Variants in CSNK2A2 observed in about 807,000 individuals in gnomAD.
The protein encoded by CSNK2A2 is casein kinase II subunit alpha'.
CSNK2A2 carries 8 observed loss-of-function variants against 54.0 expected under a neutral mutation model. The observed-to-expected ratio is 0.15, with a 90% CI of 0.09 to 0.27. The LOEUF (loss-of-function observed/expected upper bound fraction) is 0.27. Among genes scored for constraint, CSNK2A2 ranks in the 10% least tolerant of loss-of-function variants. The probability of loss-of-function intolerance (pLI) is 1.00; values close to 1 mark genes in which losing one functional copy is unlikely to be tolerated. For missense variants in CSNK2A2, 242 were observed against 439.4 expected (o/e 0.55, Z 4.02); for synonymous variants, 141 against 153.9 (o/e 0.92, Z 0.62).
At chr16:58,165,467 C>G (rs1350224961) in intron 10 of CSNK2A2, 93 bp downstream of exon 10, 1 of 1,322,714 alleles carries the variant, frequency 7.6e-7, no homozygotes, top group African/African-American at 1.5e-5. Flanking sequence ...ATCCAAATAC[C>G]CTAGAATTCT....
chr16:58,195,457 TGCCCTAGCACACAG>T (rs1962417831), intron 2 of CSNK2A2, among the ~76,000 whole-genome samples: 1 of 152,170 alleles, frequency 6.6e-6, no homozygotes, highest in African/African-American at 2.4e-5. Flanking sequence ...CTATACCAGC[TGCCCTAGCACACAG>T]AAACAGCTTT....
At position 58,174,442 on chromosome 16, in the gene CSNK2A2, A is replaced by G. The variant is rs1429791338; in HGVS notation, c.429+9T>C. 6.3e-7 allele frequency: 1 copy of G among 1,597,394 alleles called. No homozygotes were observed. The highest frequency in any genetic ancestry group is 8.5e-7 in the Non-Finnish European group (1 of 1,169,770). On this transcript the variant is annotated intron_variant, in intron 5 of 11. Transcript: ENST00000262506. The stretch of plus-strand genomic sequence containing the variant: ...TGAAAAAAATTAATGGTTTATGAAC[A>G]CCACTTACTTTAAGTAGTTCATACA...
rs1961746361 is a variant in CSNK2A2, at chr16:58,171,908, C to A, written c.429+2543G>T. Among the ~76,000 whole-genome samples the A allele has an allele frequency of 2.0e-5, 3 of 146,508 alleles. No homozygotes were observed. The South Asian group carries it at 6.6e-4, about 32-fold the overall frequency. On this transcript the variant is annotated intron_variant, in intron 5 of 11. Transcript: ENST00000262506. ...GCTCAAGTGGATCCTCCCACCTCCACCTCCTGAGTAGCTGGAACCATAGGC... is the reference window on the plus strand; with the variant it reads ...GCTCAAGTGGATCCTCCCACCTCCAACTCCTGAGTAGCTGGAACCATAGGC...
At chr16:58,180,658 T>C (rs1427648355) in intron 4 of CSNK2A2, among the ~76,000 whole-genome samples, 1 of 152,124 alleles carries the variant, frequency 6.6e-6, no homozygotes, top group Non-Finnish European at 1.5e-5. Flanking sequence ...ATAACCTTGA[T>C]AGCAAACTTA....
chr16:58,172,776 C>T lies in CSNK2A2; in HGVS notation c.429+1675G>A, dbSNP rs376126711. 3.3e-3 allele frequency among the ~76,000 whole-genome samples: 503 copies of T among 152,274 alleles called. 3 individuals carry two copies. Among genetic ancestry groups the T allele is most frequent in the African/African-American group, 0.011 (476 of 41,564 alleles). ...GTTTCTGACCATTAAGCATGAATGA[C>T]GTTTTTCAAGTTTCATCTGGGATTC... is the stretch of plus-strand genomic sequence containing the variant. On this transcript the variant is annotated intron_variant, in intron 5 of 11. Coordinates refer to ENST00000262506, the MANE Select transcript of CSNK2A2 (RefSeq NM_001896.4).
At chr16:58,176,227 C>A (rs1248197812) in intron 4 of CSNK2A2, among the ~76,000 whole-genome samples, 1 of 152,132 alleles carries the variant, frequency 6.6e-6, no homozygotes, top group Non-Finnish European at 1.5e-5. Context: ...TATTTTATTT[C>A]CAGAAAACTA....
At chr16:58,160,220 CTT>C (rs1178532120) in intron 11 of CSNK2A2, 1 of 151,774 alleles carries the variant, frequency 6.6e-6, no homozygotes, top group Non-Finnish European at 1.5e-5. Flanking sequence ...CACTGACAAA[CTT>C]TGGCTTCTTG....
chr16:58,188,301 G>A (rs1962242533), intron 2 of CSNK2A2, among the ~76,000 whole-genome samples: 1 of 152,232 alleles, frequency 6.6e-6, no homozygotes, highest in African/African-American at 2.4e-5. Context: ...AGATGTGGCT[G>A]CTGTGCATGT....
intron 4 of CSNK2A2, among the ~76,000 whole-genome samples, chr16:58,179,833 A>T (rs1961981302): frequency 6.6e-6 from 1 of 152,092 alleles, no homozygotes. Flanking sequence ...TAATCCCAGC[A>T]CTTTGGGAGG....
At chr16:58,173,761 C>G (rs1961802169) in intron 5 of CSNK2A2, among the ~76,000 whole-genome samples, 1 of 152,194 alleles carries the variant, frequency 6.6e-6, no homozygotes. Flanking sequence ...AATATGCCTA[C>G]ATATTCAATG....
At chr16:58,167,364 T>C (rs948783226) in intron 7 of CSNK2A2, 56 bp from the exon 8 acceptor site, 25 of 1,393,148 alleles carry the variant, frequency 1.8e-5, no homozygotes, top group Non-Finnish European at 2.3e-5. Context: ...ATTTTTCTGA[T>C]ATAAATTTCT....
At chr16:58,193,317 C>T (rs186398412) in intron 2 of CSNK2A2, among the ~76,000 whole-genome samples, 2 of 152,304 alleles carry the variant, frequency 1.3e-5, no homozygotes, top group East Asian at 3.9e-4. Flanking sequence ...ATCCTTTTAA[C>T]ACTACCTACT....
chr16:58,186,645 A>G, intron 3 of CSNK2A2, 110 bp downstream of exon 3: 1 of 753,900 alleles, frequency 1.3e-6, no homozygotes, highest in Non-Finnish European at 2.2e-6. Flanking sequence ...GTAGTTAAAG[A>G]CAAACACCAC....
intron 4 of CSNK2A2, among the ~76,000 whole-genome samples, chr16:58,180,862 C>CA (rs1276250427): frequency 6.6e-6 from 1 of 151,830 alleles, no homozygotes; most frequent in African/African-American, 2.4e-5. Flanking sequence ...ATTAAAAAGA[C>CA]AAAAAAACAA....
intron 11 of CSNK2A2, chr16:58,161,522 C>CACAG (rs1961360495): frequency 8.5e-6 from 1 of 118,224 alleles, no homozygotes; most frequent in South Asian, 2.4e-4. Flanking sequence ...ATATTAGACA[C>CACAG]ACAGACACAC....
intron 10 of CSNK2A2, among the ~76,000 whole-genome samples, chr16:58,164,481 A>G (rs1961503593): frequency 6.6e-6 from 1 of 152,222 alleles, no homozygotes; most frequent in Admixed American, 6.5e-5. Flanking sequence ...TAATTTCTTC[A>G]AAGCATGTAG....
At chr16:58,173,664 G>A (rs575864729) in intron 5 of CSNK2A2, among the ~76,000 whole-genome samples, 99 of 152,306 alleles carry the variant, frequency 6.5e-4, no homozygotes, top group Non-Finnish European at 1.0e-3. Flanking sequence ...GGTAGGTTAG[G>A]AAGACTCATG....
intron 2 of CSNK2A2, among the ~76,000 whole-genome samples, chr16:58,195,724 G>A (rs10712297): frequency 0.071 from 10,746 of 152,184 alleles, 484 homozygotes; most frequent in South Asian, 0.21. Context: ...AAATTTAGCC[G>A]ACCCTTCATG....
At chr16:58,159,381 C>G (rs2142398874) in intron 11 of CSNK2A2, among the ~76,000 whole-genome samples, 1 of 152,302 alleles carries the variant, frequency 6.6e-6, no homozygotes, top group East Asian at 1.9e-4. Context: ...TGGCGCGACT[C>G]AGAAGCAAGT....
Sources: allele counts gnomAD v4.1 joint callset (sites outside exome capture counted in the v4.1 genomes callset), GRCh38; gene constraint gnomAD v4.1.1; transcripts MANE v1.5; gene names NCBI Gene and HGNC (gene_info 2026-07-23, HGNC 2026-07-21).